Variants in ANKRD46 observed in about 807,000 individuals in gnomAD.
The protein encoded by ANKRD46 is ankyrin repeat domain 46.
Under a neutral mutation model 19.8 loss-of-function variants are expected in ANKRD46, and 13 were observed. The observed-to-expected ratio is 0.66, with a 90% CI of 0.43 to 1.04. ANKRD46 has a LOEUF of 1.04. Among genes scored for constraint, ANKRD46 ranks in the 50% least tolerant of loss-of-function variants. ANKRD46 has a pLI of 0.00. For synonymous variants in ANKRD46, 91 were observed against 106.9 expected (o/e 0.85, Z 0.92); for missense variants, 185 against 274.8 (o/e 0.67, Z 2.31).
downstream of ANKRD46, among the ~76,000 whole-genome samples, chr8:100,518,851 C>CAAAAAAA (rs774279469): frequency 8.5e-6 from 1 of 117,000 alleles, no homozygotes; most frequent in African/African-American, 3.4e-5. Context: ...GACTCTGTCT[C>CAAAAAAA]AAAAAAAAAA....
At chr8:100,555,786 T>C (rs1241899052) in intron 1 of ANKRD46, among the ~76,000 whole-genome samples, 1 of 142,316 alleles carries the variant, frequency 7.0e-6, no homozygotes, top group Non-Finnish European at 1.5e-5. Context: ...AAAGGACCTG[T>C]TATCTTTTAG....
At chr8:100,516,755 C>T (rs1811641862), downstream of ANKRD46, among the ~76,000 whole-genome samples, 1 of 152,192 alleles carries the variant, frequency 6.6e-6, no homozygotes, top group South Asian at 2.1e-4. Flanking sequence ...AAAGTAACTG[C>T]TCAGCAGAAA....
chr8:100,539,018 T>C (rs148457212), intron 1 of ANKRD46, among the ~76,000 whole-genome samples: 1 of 152,354 alleles, frequency 6.6e-6, no homozygotes, highest in East Asian at 1.9e-4. Context: ...AAAAAGAATT[T>C]TGTGATGCAG....
At chr8:100,542,058 C>T (rs959234332) in intron 1 of ANKRD46, among the ~76,000 whole-genome samples, 1 of 151,932 alleles carries the variant, frequency 6.6e-6, no homozygotes, top group Non-Finnish European at 1.5e-5. Context: ...TGTACTGCAT[C>T]CTTCACACAA....
Position 100,549,050 on chromosome 8 carries a change from G to GA in ANKRD46, c.-131+10660dup, listed in dbSNP as rs553298677. ...AAATTTTAAAGATTTACCCAGAAAT[G>GA]AAAAAAAAAAGTAATTTGGGTATTT... On this transcript the variant is annotated intron_variant, in intron 1 of 4. Transcript: ENST00000335659. 8.4e-3 allele frequency among the ~76,000 whole-genome samples: 1,185 copies of GA among 140,594 alleles called. 20 individuals carry two copies. Among genetic ancestry groups the GA allele is most frequent in the African/African-American group, 0.028 (1,085 of 38,616 alleles). The allele number at this position is 140,594 out of a possible 152,430, so 92.2% of individuals were successfully genotyped here. A position where few individuals can be genotyped will look rare whatever the true frequency, so the allele number is the denominator to read the frequency against.
At position 100,550,117 on chromosome 8, in the gene ANKRD46, G is replaced by A. The variant is rs1812353423; in HGVS notation, c.-131+9594C>T. Among the ~76,000 whole-genome samples the A allele has an allele frequency of 6.6e-6, 1 of 152,142 alleles. No individual in the cohort carries two copies. The highest frequency in any genetic ancestry group is 2.1e-4 in the South Asian group (1 of 4,834). ...CCATGTTCTGGCAATTATGAATAAGGCTGACATGAACACCCACATGCAGGT... is the reference window on the plus strand; with the variant it reads ...CCATGTTCTGGCAATTATGAATAAGACTGACATGAACACCCACATGCAGGT... On this transcript the variant is annotated intron_variant, in intron 1 of 4. Transcript: ENST00000335659. The surrounding 1 kb of genome is among the most constrained non-coding windows in gnomAD (Gnocchi z 4.4).
At chr8:100,538,690 G>T (rs990742576) in intron 1 of ANKRD46, among the ~76,000 whole-genome samples, 1 of 152,128 alleles carries the variant, frequency 6.6e-6, no homozygotes, top group Admixed American at 6.5e-5. Context: ...AAGATTCACT[G>T]AGGACTGAGT....
At chr8:100,538,107 G>C (rs1457366747) in intron 1 of ANKRD46, among the ~76,000 whole-genome samples, 1 of 152,092 alleles carries the variant, frequency 6.6e-6, no homozygotes, top group Non-Finnish European at 1.5e-5. Flanking sequence ...TTGAAGTCTA[G>C]ACATAGGGAA....
In ANKRD46 at chr8:100,522,805, A is replaced by G. The variant is rs1388244357; in HGVS notation, c.471-34T>C. On this transcript the variant is annotated intron_variant, in intron 4 of 4. Transcript: ENST00000335659. Reference sequence around the variant, plus strand: ...GAAGAAAGAGCAAAAAGGGCATTAAAAAAACACAGCAATTCCAAAAACATA... The same window carrying G: ...GAAGAAAGAGCAAAAAGGGCATTAAGAAAACACAGCAATTCCAAAAACATA... 5.0e-6 allele frequency: 8 copies of G among 1,595,218 alleles called. 1 individual carries two copies. The Admixed American group carries it at 8.4e-5, about 17-fold the overall frequency.
chr8:100,518,696 C>T (rs924650739), downstream of ANKRD46, among the ~76,000 whole-genome samples: 1 of 151,662 alleles, frequency 6.6e-6, no homozygotes, highest in African/African-American at 2.4e-5. Context: ...CTAAAAAATA[C>T]AAAAAATTAG....
At chr8:100,549,385 T>G (rs1812336804) in intron 1 of ANKRD46, among the ~76,000 whole-genome samples, 3 of 152,148 alleles carry the variant, frequency 2.0e-5, no homozygotes, top group African/African-American at 7.2e-5. Flanking sequence ...ATTGCCATTC[T>G]AATATAAATC....
chr8:100,512,284 A>G (rs1168292693), intron 5 of ANKRD46, among the ~76,000 whole-genome samples: 3 of 152,278 alleles, frequency 2.0e-5, no homozygotes, highest in Non-Finnish European at 2.9e-5. Flanking sequence ...GCAGCTGCTT[A>G]CCTTCAAGCC....
chr8:100,522,937 G>C (rs548679502), intron 4 of ANKRD46, among the ~76,000 whole-genome samples, 166 bp from the exon 5 acceptor site: 1 of 147,576 alleles, frequency 6.8e-6, no homozygotes, highest in Non-Finnish European at 1.5e-5. Flanking sequence ...ACATGCTTAC[G>C]TATCTGAACA....
Position 100,532,907 on chromosome 8 carries a change from T to A in ANKRD46, c.-28+302A>T, listed in dbSNP as rs752033558. On this transcript the variant is annotated intron_variant, in intron 2 of 4. Coordinates refer to ENST00000335659, the MANE Select transcript of ANKRD46 (RefSeq NM_001270377.2). The surrounding 1 kb of genome is among the most constrained non-coding windows in gnomAD (Gnocchi z 4.7). ...GTTAAATTTTTAAAAATAGATAATTTAAAAAATCTAGTTGGTGTTTTTGAT... is the reference window on the plus strand; with the variant it reads ...GTTAAATTTTTAAAAATAGATAATTAAAAAAATCTAGTTGGTGTTTTTGAT... 3.9e-5 allele frequency among the ~76,000 whole-genome samples: 6 copies of A among 152,226 alleles called. No individual in the cohort carries two copies. The highest frequency in any genetic ancestry group is 5.9e-5 in the Non-Finnish European group (4 of 68,042).
chr8:100,512,335 T>C (rs1811560635), intron 5 of ANKRD46, among the ~76,000 whole-genome samples: 1 of 152,122 alleles, frequency 6.6e-6, no homozygotes, highest in Non-Finnish European at 1.5e-5. Flanking sequence ...AGGGCAGGCC[T>C]TGGAAAGGTA....
At chr8:100,513,116 A>G (rs1250949067) in intron 5 of ANKRD46, among the ~76,000 whole-genome samples, 2 of 152,256 alleles carry the variant, frequency 1.3e-5, no homozygotes, top group African/African-American at 4.8e-5. Flanking sequence ...ATTTTGAGAT[A>G]GTATGTAGAT....
intron 5 of ANKRD46, among the ~76,000 whole-genome samples, chr8:100,514,620 T>C (rs1379704658): frequency 8.4e-5 from 10 of 119,284 alleles, no homozygotes; most frequent in East Asian, 2.1e-4. Flanking sequence ...CCATCTTCTT[T>C]TTTTTTTTTT....
chr8:100,516,507 C>T (rs1477878628), downstream of ANKRD46, among the ~76,000 whole-genome samples: 1 of 152,110 alleles, frequency 6.6e-6, no homozygotes, highest in Non-Finnish European at 1.5e-5. Context: ...ATCCACCCCC[C>T]CATCATAATC....
rs558621858 is a variant in ANKRD46, at chr8:100,525,793, G to A, written c.470+2052C>T. Among the ~76,000 whole-genome samples, 3 of 152,260 alleles carry A rather than the reference G, an allele frequency of 2.0e-5. No homozygotes were observed. Among genetic ancestry groups the A allele is most frequent in the Admixed American group, 6.5e-5 (1 of 15,280 alleles). ...TGCTGGTCAGATGGTAACTCTACGT[G>A]TAGCTTTTTGAAGGACTGCCAGACT... On this transcript the variant is annotated intron_variant, in intron 4 of 4. Coordinates refer to ENST00000335659, the MANE Select transcript of ANKRD46 (RefSeq NM_001270377.2). The surrounding 1 kb of genome is among the most constrained non-coding windows in gnomAD (Gnocchi z 4.4).
Sources: gnomAD v4.1 joint callset for allele counts (sites outside exome capture counted in the v4.1 genomes callset) on GRCh38, gnomAD v4.1.1 for gene constraint, Gnocchi (gnomAD v3.1) non-coding constraint, MANE v1.5 for transcripts, NCBI Gene and HGNC (gene_info 2026-07-23, HGNC 2026-07-21) for gene names.